CAPN15: variants seen among roughly 807,000 people sequenced by gnomAD.
CAPN15 encodes the protein calpain-15.
In CAPN15, 53 loss-of-function variants were observed where a neutral mutation model predicts 97.9. The ratio of observed to expected loss-of-function variants is 0.54; its 90% CI spans 0.43 to 0.68. The LOEUF is 0.68. Ranked by LOEUF, CAPN15 falls within the 30% of genes least tolerant of loss-of-function variation. The probability of loss-of-function intolerance (pLI) is 0.00; values close to 1 mark genes in which losing one functional copy is unlikely to be tolerated. For missense variants in CAPN15, 1,592 were observed against 1,589.8 expected (o/e 1.00, Z -0.02); for synonymous variants, 922 against 722.5 (o/e 1.28, Z -4.43).
At chr16:553,261 G>T in intron 13 of CAPN15, 78 bp from the exon 14 acceptor site, 1 of 978,300 alleles carries the variant, frequency 1.0e-6, no homozygotes, top group Non-Finnish European at 1.5e-6. Flanking sequence ...TCCTGCTCCT[G>T]CCCCTGTACA....
chr16:551,835 A>G lies in CAPN15; in HGVS notation c.2345+171A>G. 3.9e-6 allele frequency: 4 copies of G among 1,029,636 alleles called. No homozygotes were observed. In the South Asian group the frequency reaches 5.4e-5, roughly 14 times the overall value. The allele number at this position is 1,029,636 out of a possible 1,614,324, so 63.8% of individuals were successfully genotyped here. On this transcript the variant is annotated intron_variant, in intron 9 of 13. Transcript: ENST00000219611. ...GGTGCCAACCTCAGAATTCAGGTCC[A>G]CCCAGGTCAGCAGATTCCAGCGCCC... is the stretch of plus-strand genomic sequence containing the variant.
In CAPN15 at chr16:553,509, C is replaced by CGCTGTGACCACCATGCCTGGGGCAGGG. The variant is rs758296698; in HGVS notation, c.3261_*26dup. On this transcript the variant is annotated stop_gained and inframe_insertion, in exon 14 of 14. Coordinates refer to ENST00000219611, the MANE Select transcript of CAPN15 (RefSeq NM_005632.3). LOFTEE classifies it high-confidence loss of function. The stretch of plus-strand genomic sequence containing the variant: ...GTCGCCGGTCTGCATGGGCCCCGAC[C>CGCTGTGACCACCATGCCTGGGGCAGGG]GCTGTGACCACCATGCCTGGGGCAG... 1 of 1,602,968 alleles carries CGCTGTGACCACCATGCCTGGGGCAGGG rather than the reference C, an allele frequency of 6.2e-7. No homozygotes were observed. The highest frequency in any genetic ancestry group is 8.5e-7 in the Non-Finnish European group (1 of 1,173,364).
Position 535,547 on chromosome 16 carries a change from G to A in CAPN15, c.-136-482G>A, listed in dbSNP as rs768284422. Among the ~76,000 whole-genome samples the A allele has an allele frequency of 2.6e-4, 40 of 152,172 alleles. No individual in the cohort carries two copies. The highest frequency in any genetic ancestry group is 6.5e-4 in the Admixed American group (10 of 15,278). ...GAGGCTGGATCTAGGCCACCGCCCC[G>A]TTTAAAACTAGGGCATCGGCTCCCA... On this transcript the variant is annotated intron_variant, in intron 2 of 13. Coordinates refer to ENST00000219611, the MANE Select transcript of CAPN15 (RefSeq NM_005632.3). The surrounding 1 kb of genome is among the most constrained non-coding windows in gnomAD (Gnocchi z 6.2).
chr16:536,685 C>A (rs8052670), intron 3 of CAPN15, among the ~76,000 whole-genome samples: 19,001 of 152,188 alleles, frequency 0.12, 1,406 homozygotes, highest in African/African-American at 0.2. Context: ...CGGCCTCCCA[C>A]AGTGCTGGGA....
chr16:540,438 C>G, intron 3 of CAPN15: 1 of 789,538 alleles, frequency 1.3e-6, no homozygotes, highest in East Asian at 1.3e-4. Flanking sequence ...TCAGGGTGCC[C>G]CCTCCTTGGC....
intron 1 of CAPN15, among the ~76,000 whole-genome samples, chr16:533,050 G>A (rs760144569): frequency 6.0e-5 from 9 of 151,110 alleles, no homozygotes; most frequent in African/African-American, 1.7e-4. Flanking sequence ...GTGAAACCTC[G>A]TCTTTACTAA....
intron 1 of CAPN15, among the ~76,000 whole-genome samples, chr16:531,305 C>CCCAAA (rs1195502783): frequency 6.6e-6 from 1 of 152,210 alleles, no homozygotes; most frequent in African/African-American, 2.4e-5. Flanking sequence ...CTCAAGTGAT[C>CCCAAA]TTCCTGCCTC....
In CAPN15 at chr16:551,519, C is replaced by T. The variant is rs775365093; in HGVS notation, c.2200C>T (p.Arg734Trp). The change falls in exon 9 of 14, where the codon CGG (arginine) becomes TGG (tryptophan). Residue 734 changes from arginine to tryptophan, a missense_variant. Physicochemically the swap from Arg to Trp is moderately radical, Grantham distance 101. Transcript: ENST00000219611. The stretch of plus-strand genomic sequence containing the variant: ...CACCCCTGTGGTCTGCAGGCTTCTG[C>T]GGCTCCGAAACCCGTGGGGCCGTTT... ...VRDVQGTRLL[R>W]LRNPWGRFSW... 32 of 1,609,628 alleles carry T rather than the reference C, an allele frequency of 2.0e-5. No homozygotes were observed. Among genetic ancestry groups the T allele is most frequent in the Non-Finnish European group, 2.4e-5 (28 of 1,177,636 alleles).
chr16:530,124 C>A (rs2266928), intron 1 of CAPN15, among the ~76,000 whole-genome samples: 39,245 of 152,054 alleles, frequency 0.26, 7,846 homozygotes, highest in African/African-American at 0.56. Context: ...GAGCCACTGG[C>A]CTCTCATGCC....
chr16:549,686 G>C lies in CAPN15; in HGVS notation c.1914G>C (p.Ala638=). The change falls in exon 7 of 14, where the codon GCG becomes GCC. Residue 638 remains alanine (A), a synonymous_variant. Transcript: ENST00000219611. ...CCAAGCTGCACGGCTCCTACTTTGC[G>C]CTCCAGGCGGGCCGCGCCATCGAAG... The part of the protein sequence containing the change: ...ALAKLHGSYF[A]LQAGRAIEGL... 6.4e-7 allele frequency: 1 copy of C among 1,563,126 alleles called. No homozygotes were observed. The highest frequency in any genetic ancestry group is 8.6e-7 in the Non-Finnish European group (1 of 1,157,200).
At chr16:551,448 G>A in intron 8 of CAPN15, 21 bp downstream of exon 8, 1 of 1,601,556 alleles carries the variant, frequency 6.2e-7, no homozygotes, top group Non-Finnish European at 8.5e-7. Flanking sequence ...CCTGGCTGAG[G>A]GTGGGTGGGG....
At chr16:542,796 G>C (rs2034215598) in intron 3 of CAPN15, among the ~76,000 whole-genome samples, 1 of 152,244 alleles carries the variant, frequency 6.6e-6, no homozygotes, top group East Asian at 1.9e-4. Context: ...GCTCACGCCT[G>C]TAATCCCAGC....
At position 553,584 on chromosome 16, in the gene CAPN15, G is replaced by C; in HGVS notation, c.*68G>C. On this transcript the variant is annotated 3_prime_UTR_variant, in exon 14 of 14. Coordinates refer to ENST00000219611, the MANE Select transcript of CAPN15 (RefSeq NM_005632.3). ...ACCCCCACACGCACTTTATGAGGGA[G>C]ACCCCGACAGAGGACGCTTGAGCCA... 1 of 981,368 alleles carries C rather than the reference G, an allele frequency of 1.0e-6. No individual in the cohort carries two copies. Among genetic ancestry groups the C allele is most frequent in the South Asian group, 1.8e-5 (1 of 56,398 alleles). 60.8% of individuals were successfully genotyped at this position (981,368 alleles called of 1,614,324 possible). A position where few individuals can be genotyped will look rare whatever the true frequency, so the allele number is the denominator to read the frequency against.
At position 547,217 on chromosome 16, in the gene CAPN15, G is replaced by C; in HGVS notation, c.379G>C (p.Asp127His). 6.5e-7 allele frequency: 1 copy of C among 1,527,416 alleles called. No homozygotes were observed. The highest frequency in any genetic ancestry group is 8.7e-7 in the Non-Finnish European group (1 of 1,143,028). The allele number at this position is 1,527,416 out of a possible 1,614,324, so 94.6% of individuals were successfully genotyped here. ...CGCCAGGGGGCAGTGCGAGGACAAG[G>C]ACGAGGAGGAGAAGGAGGAGCAGGA... ...EPARGQCEDK[D>H]EEEKEEQEEE... The change falls in exon 4 of 14, where the codon GAC becomes CAC. Residue 127 changes from aspartate to histidine, a missense_variant. By Grantham distance (81) the Asp-to-His change is moderately conservative. Coordinates refer to ENST00000219611, the MANE Select transcript of CAPN15 (RefSeq NM_005632.3).
In CAPN15 at chr16:551,293, G is replaced by A. The variant is rs1490687159; in HGVS notation, c.2067-9G>A. The A allele has an allele frequency of 2.5e-6, 4 of 1,589,106 alleles. No homozygotes were observed. The highest frequency in any genetic ancestry group is 2.2e-5 in the East Asian group (1 of 44,490). On this transcript the variant is annotated splice_polypyrimidine_tract_variant and intron_variant, in intron 7 of 13. Transcript: ENST00000219611. ...GGTCCCGGTCGGTGAGGGCCGCTCT[G>A]CCACACAGGTTCCTCATGGGTGCCT...
intron 1 of CAPN15, among the ~76,000 whole-genome samples, chr16:532,680 A>G (rs1453934212): frequency 1.0e-4 from 15 of 150,324 alleles, no homozygotes; most frequent in Admixed American, 6.6e-4. Flanking sequence ...GTGAAACTCC[A>G]TCTCTGCTAA....
At chr16:536,186 C>T (rs2033705704) in intron 3 of CAPN15, 44 bp downstream of exon 3, 2 of 537,948 alleles carry the variant, frequency 3.7e-6, no homozygotes, top group African/African-American at 4.1e-5. Flanking sequence ...GCAGCAGGCC[C>T]TGTCCCTGCT....
At chr16:529,431 A>C (rs962658260) in intron 1 of CAPN15, among the ~76,000 whole-genome samples, 9 of 152,208 alleles carry the variant, frequency 5.9e-5, no homozygotes, top group African/African-American at 1.9e-4. Context: ...CCAGTGCCAC[A>C]GGTGAGGAAC....
chr16:553,312 C>T (rs1432735434), intron 13 of CAPN15, 27 bp from the exon 14 acceptor site: 1 of 1,570,584 alleles, frequency 6.4e-7, no homozygotes, highest in East Asian at 2.3e-5. Context: ...CTGCCCTCCA[C>T]AGGTCCTCAC....
Sources: gnomAD v4.1 joint callset for allele counts (sites outside exome capture counted in the v4.1 genomes callset) on GRCh38, gnomAD v4.1.1 for gene constraint, Gnocchi (gnomAD v3.1) non-coding constraint, MANE v1.5 for transcripts, NCBI Gene and HGNC (gene_info 2026-07-23, HGNC 2026-07-21) for gene names.